The following KALRN variants were observed in gnomAD, a reference collection of about 807,000 sequenced individuals.
The protein encoded by KALRN is kalirin RhoGEF kinase, also known as kalirin.
Under a neutral mutation model 353.7 loss-of-function variants are expected in KALRN, and 70 were observed. The observed-to-expected ratio is 0.20, with a 90% CI of 0.16 to 0.24. The LOEUF is 0.24. KALRN is among the 10% of genes least tolerant of loss of function. KALRN has a pLI of 1.00. For missense variants in KALRN, 2,791 were observed against 3,756.7 expected, an observed-to-expected ratio of 0.74 and a Z score of 6.72; for synonymous variants, 1,391 against 1,434.8, an observed-to-expected ratio of 0.97 and a Z score of 0.69.
intron 13 of KALRN, among the ~76,000 whole-genome samples, chr3:124,410,701 T>C (rs2092075653): frequency 6.6e-6 from 1 of 152,218 alleles, no homozygotes; most frequent in Non-Finnish European, 1.5e-5. Flanking sequence ...TGCCAAGTGA[T>C]GGTGAGGGTG....
chr3:124,064,843 AGACAAG>A (rs1488102024), intron 1 of KALRN, among the ~76,000 whole-genome samples: 11 of 152,202 alleles, frequency 7.2e-5, no homozygotes, highest in Admixed American at 7.2e-4. Context: ...AAGAGTATTC[AGACAAG>A]GACAAGGACA....
At chr3:124,504,033 G>A (rs763086329) in intron 33 of KALRN, among the ~76,000 whole-genome samples, 5 of 152,154 alleles carry the variant, frequency 3.3e-5, no homozygotes, top group Non-Finnish European at 7.3e-5. Context: ...CTGAACACAC[G>A]CAGCTTGCAG....
chr3:124,231,109 T>G (rs918560185), intron 2 of KALRN, among the ~76,000 whole-genome samples: 5 of 152,206 alleles, frequency 3.3e-5, no homozygotes, highest in Non-Finnish European at 7.3e-5. Context: ...AGGAAAGCCA[T>G]GCTGCCATGG....
At chr3:124,677,173 A>G (rs191061958) in intron 49 of KALRN, among the ~76,000 whole-genome samples, 1 of 152,224 alleles carries the variant, frequency 6.6e-6, no homozygotes, top group East Asian at 1.9e-4. Context: ...GCATAGGCCC[A>G]CCTTTGACAA....
At chr3:124,175,861 C>T (rs2072658837) in intron 1 of KALRN, among the ~76,000 whole-genome samples, 2 of 152,178 alleles carry the variant, frequency 1.3e-5, no homozygotes, top group South Asian at 2.1e-4. Flanking sequence ...CTCTAGCTGT[C>T]CTCTCTGAGA....
intron 1 of KALRN, among the ~76,000 whole-genome samples, chr3:124,224,667 A>T (rs994140585): frequency 3.7e-4 from 56 of 152,184 alleles, no homozygotes; most frequent in Non-Finnish European, 7.8e-4. Flanking sequence ...GCCCCTGAGT[A>T]TCTGTAAACT....
chr3:124,216,273 G>A (rs777379333), intron 1 of KALRN, among the ~76,000 whole-genome samples: 10 of 152,140 alleles, frequency 6.6e-5, no homozygotes, highest in South Asian at 2.1e-4. Flanking sequence ...CAGCTAAACC[G>A]TGAGTGTCAT....
intron 1 of KALRN, among the ~76,000 whole-genome samples, chr3:124,051,861 A>G (rs1221712219): frequency 6.6e-6 from 1 of 152,228 alleles, no homozygotes; most frequent in African/African-American, 2.4e-5. Flanking sequence ...TGGCAGAGTC[A>G]GATGGTTGGG....
intron 2 of KALRN, among the ~76,000 whole-genome samples, chr3:124,232,132 C>G (rs886904710): frequency 6.6e-6 from 1 of 152,188 alleles, no homozygotes; most frequent in African/African-American, 2.4e-5. Flanking sequence ...TAGAACATCT[C>G]CCACCCTCCC....
intron 3 of KALRN, among the ~76,000 whole-genome samples, chr3:124,245,605 A>G (rs2081028181): frequency 6.6e-6 from 1 of 151,312 alleles, no homozygotes; most frequent in South Asian, 2.1e-4. Context: ...ATTCCCACCA[A>G]CAGTGTATGA....
chr3:124,714,326 C>T (rs1250081343), intron 58 of KALRN, among the ~76,000 whole-genome samples: 1 of 152,174 alleles, frequency 6.6e-6, no homozygotes. Flanking sequence ...GGTATTGTCA[C>T]TGTGTACCAG....
At chr3:124,169,002 A>G (rs1392548095) in intron 1 of KALRN, among the ~76,000 whole-genome samples, 1 of 152,224 alleles carries the variant, frequency 6.6e-6, no homozygotes, top group Admixed American at 6.5e-5. Flanking sequence ...TTGACTCTTG[A>G]GTGGAAAGAC....
At chr3:124,713,283 AT>A (rs2062979473) in intron 58 of KALRN, 148 bp downstream of exon 58, 4 of 525,504 alleles carry the variant, frequency 7.6e-6, no homozygotes, top group Non-Finnish European at 1.3e-5. Flanking sequence ...CCCCCATTTT[AT>A]AATCAATGTC....
intron 37 of KALRN, 65 bp downstream of exon 37, chr3:124,637,368 C>A: frequency 8.4e-7 from 1 of 1,187,882 alleles, no homozygotes; most frequent in Non-Finnish European, 1.3e-6. Flanking sequence ...AGGCTTGCAT[C>A]TGTCTGCCGT....
Position 124,472,563 on chromosome 3 carries a change from G to A in KALRN, c.4032-2100G>A, listed in dbSNP as rs151280802. On this transcript the variant is annotated intron_variant, in intron 25 of 59. Coordinates refer to ENST00000682506, the MANE Select transcript of KALRN (RefSeq NM_001388419.1). ...ATTGTTTTTAATTTTAAATTAAAAT[G>A]TGTGTGTGTATATGTGTGTGTGTGT... 9.3e-4 allele frequency among the ~76,000 whole-genome samples: 119 copies of A among 128,186 alleles called. 2 individuals are homozygous for A. In the East Asian group the frequency reaches 0.023, roughly 25 times the overall value. The allele number at this position is 128,186 out of a possible 152,430, so 84.1% of individuals were successfully genotyped here. A position where few individuals can be genotyped will look rare whatever the true frequency, so the allele number is the denominator to read the frequency against.
At chr3:124,043,140 T>C (rs1023993285) in intron 1 of KALRN, among the ~76,000 whole-genome samples, 1 of 152,112 alleles carries the variant, frequency 6.6e-6, no homozygotes, top group Non-Finnish European at 1.5e-5. Context: ...CTAGGAATCA[T>C]TGGTAATCTT....
intron 6 of KALRN, among the ~76,000 whole-genome samples, chr3:124,315,537 G>A (rs1388164919): frequency 6.6e-6 from 1 of 151,636 alleles, no homozygotes; most frequent in Non-Finnish European, 1.5e-5. Flanking sequence ...CTCTACCCAC[G>A]ATCCTGGGAC....
chr3:124,423,795 C>T (rs1234194532), intron 15 of KALRN, among the ~76,000 whole-genome samples: 1 of 152,134 alleles, frequency 6.6e-6, no homozygotes, highest in Non-Finnish European at 1.5e-5. Context: ...CACTTGAGTC[C>T]AGGAGTTTGA....
At chr3:124,052,752 A>G (rs2041159815) in intron 1 of KALRN, among the ~76,000 whole-genome samples, 1 of 152,000 alleles carries the variant, frequency 6.6e-6, no homozygotes, top group Non-Finnish European at 1.5e-5. Flanking sequence ...GTTATATGAT[A>G]AGACTATAGT....
Sources: gnomAD v4.1 joint callset for allele counts (sites outside exome capture counted in the v4.1 genomes callset) on GRCh38, gnomAD v4.1.1 for gene constraint, MANE v1.5 for transcripts, NCBI Gene and HGNC (gene_info 2026-07-23, HGNC 2026-07-21) for gene names.